The following ABCB10 variants were observed in gnomAD, a reference collection of about 807,000 sequenced individuals.
The protein encoded by ABCB10 is ATP binding cassette subfamily B member 10.
In ABCB10, 54 loss-of-function variants were observed where a neutral mutation model predicts 65.4. The observed-to-expected ratio is 0.83, with a 90% CI of 0.66 to 1.04. The LOEUF is 1.04. Ranked by LOEUF, ABCB10 falls within the 50% of genes least tolerant of loss-of-function variation. The pLI, the probability that ABCB10 is intolerant of heterozygous loss-of-function variation, is 0.00. For synonymous variants in ABCB10, 418 were observed against 406.5 expected, an observed-to-expected ratio of 1.03 and a Z score of -0.34; for missense variants, 846 against 976.6, an observed-to-expected ratio of 0.87 and a Z score of 1.78.
chr1:229,551,340 A>T (rs527745838), intron 1 of ABCB10, among the ~76,000 whole-genome samples: 3 of 152,158 alleles, frequency 2.0e-5, no homozygotes, highest in African/African-American at 7.2e-5. Flanking sequence ...CGAAGCTCCT[A>T]CCTTTCAGCA....
chr1:229,531,574 C>T (rs1396654700), intron 7 of ABCB10, 62 bp downstream of exon 7: 67 of 1,497,084 alleles, frequency 4.5e-5, no homozygotes, highest in Admixed American at 8.5e-5. Flanking sequence ...AGGGGAAGAG[C>T]TGGTCTCATT....
At chr1:229,548,411 C>A (rs1663020105) in intron 2 of ABCB10, among the ~76,000 whole-genome samples, 4 of 152,100 alleles carry the variant, frequency 2.6e-5, no homozygotes, top group African/African-American at 9.7e-5. Flanking sequence ...CTTCAAATGG[C>A]AAGAATTGGT....
intron 8 of ABCB10, 63 bp downstream of exon 8, chr1:229,530,136 G>A (rs528997636): frequency 6.5e-7 from 1 of 1,528,428 alleles, no homozygotes; most frequent in South Asian, 1.1e-5. Context: ...ATCTCCTAGG[G>A]CGCAAAAGTG....
At chr1:229,535,570 C>A (rs1662700703) in intron 6 of ABCB10, among the ~76,000 whole-genome samples, 1 of 152,174 alleles carries the variant, frequency 6.6e-6, no homozygotes, top group Non-Finnish European at 1.5e-5. Flanking sequence ...ATAAGCAGAG[C>A]TCAGAGGATC....
chr1:229,538,495 G>A (rs750851667), intron 6 of ABCB10, among the ~76,000 whole-genome samples: 4 of 152,136 alleles, frequency 2.6e-5, no homozygotes, highest in South Asian at 4.1e-4. Context: ...TCCAGGAAAC[G>A]GAGAGGGAAG....
intron 2 of ABCB10, 53 bp downstream of exon 2, chr1:229,549,181 G>T: frequency 6.3e-7 from 1 of 1,595,374 alleles, no homozygotes; most frequent in South Asian, 1.1e-5. Context: ...AAACCCACAG[G>T]ACTCTACATC....
At chr1:229,528,348 G>A (rs1662492302) in intron 8 of ABCB10, among the ~76,000 whole-genome samples, 2 of 150,482 alleles carry the variant, frequency 1.3e-5, no homozygotes, top group Admixed American at 1.3e-4. Flanking sequence ...CCTTTTTATG[G>A]AGAACAAGGT....
intron 2 of ABCB10, among the ~76,000 whole-genome samples, chr1:229,548,673 T>C (rs1388279719): frequency 6.6e-6 from 1 of 150,888 alleles, no homozygotes; most frequent in Non-Finnish European, 1.5e-5. Context: ...TTTCTTTTTT[T>C]TTTTTTTGAG....
chr1:229,557,718 T>C (rs1663291714), intron 1 of ABCB10, among the ~76,000 whole-genome samples: 1 of 151,774 alleles, frequency 6.6e-6, no homozygotes, highest in Non-Finnish European at 1.5e-5. Context: ...AAGCAAATAA[T>C]GTGTTTTTGG....
intron 3 of ABCB10, among the ~76,000 whole-genome samples, chr1:229,545,883 T>C (rs1662952819): frequency 6.6e-6 from 1 of 152,138 alleles, no homozygotes; most frequent in Non-Finnish European, 1.5e-5. Context: ...TAAATACTTT[T>C]GTGATGAGCC....
At chr1:229,554,703 T>G (rs59384152) in intron 1 of ABCB10, among the ~76,000 whole-genome samples, 1,626 of 152,310 alleles carry the variant, frequency 0.011, 40 homozygotes, top group African/African-American at 0.036. Context: ...TCAGTTTCGC[T>G]GAAACAATGT....
At chr1:229,545,962 G>T (rs1375719960) in intron 3 of ABCB10, among the ~76,000 whole-genome samples, 3 of 152,120 alleles carry the variant, frequency 2.0e-5, no homozygotes, top group Non-Finnish European at 4.4e-5. Context: ...ACGAGGTCAG[G>T]AGTTCAAGAC....
intron 10 of ABCB10, among the ~76,000 whole-genome samples, chr1:229,525,375 A>G (rs2102684816): frequency 6.6e-6 from 1 of 151,802 alleles, no homozygotes; most frequent in Non-Finnish European, 1.5e-5. Flanking sequence ...GTTGTTTTTC[A>G]GATGAAAAAA....
At chr1:229,536,140 C>T (rs542245739) in intron 6 of ABCB10, among the ~76,000 whole-genome samples, 5 of 151,646 alleles carry the variant, frequency 3.3e-5, no homozygotes, top group South Asian at 4.2e-4. Context: ...TTGCTATGAA[C>T]GTAAAACTAC....
intron 6 of ABCB10, among the ~76,000 whole-genome samples, chr1:229,534,794 C>CT (rs533170290): frequency 1.4e-5 from 2 of 147,538 alleles, no homozygotes; most frequent in South Asian, 4.3e-4. Flanking sequence ...TCGCTTGAAC[C>CT]TGGGGGGGTG....
chr1:229,546,696 C>A (rs1317580075), intron 3 of ABCB10, among the ~76,000 whole-genome samples: 3 of 151,818 alleles, frequency 2.0e-5, no homozygotes, highest in African/African-American at 7.3e-5. Context: ...CATAGAGAGA[C>A]CCTGCCTCTA....
intron 11 of ABCB10, among the ~76,000 whole-genome samples, chr1:229,520,333 G>A (rs1255360181): frequency 1.3e-5 from 2 of 151,670 alleles, no homozygotes; most frequent in Non-Finnish European, 2.9e-5. Context: ...AGCCGGGTGT[G>A]GTGGCGTGCA....
At chr1:229,543,084 T>C (rs752466040) in intron 3 of ABCB10, among the ~76,000 whole-genome samples, 12 of 148,596 alleles carry the variant, frequency 8.1e-5, no homozygotes, top group Non-Finnish European at 1.8e-4. Flanking sequence ...TGAGCCAAGA[T>C]TGAGCCACTG....
chr1:229,558,020 G>C, intron 1 of ABCB10, 116 bp downstream of exon 1: 2 of 1,138,382 alleles, frequency 1.8e-6, no homozygotes, highest in Non-Finnish European at 1.1e-6. Flanking sequence ...AGTGGCCCAG[G>C]AGAGGCGGCG....
Sources: allele counts gnomAD v4.1 joint callset (sites outside exome capture counted in the v4.1 genomes callset), GRCh38; gene constraint gnomAD v4.1.1; transcripts MANE v1.5; gene names NCBI Gene and HGNC (gene_info 2026-07-23, HGNC 2026-07-21).